Variants in EME1 observed in about 807,000 individuals in gnomAD.
EME1 encodes the protein essential meiotic structure-specific endonuclease 1.
EME1 carries 61 observed loss-of-function variants against 59.1 expected under a neutral mutation model. The ratio of observed to expected loss-of-function variants is 1.03; its 90% CI spans 0.84 to 1.28. The LOEUF (loss-of-function observed/expected upper bound fraction) is 1.28. EME1 is among the 50% of genes most tolerant of loss of function. The pLI, the probability that EME1 is intolerant of heterozygous loss-of-function variation, is 0.00. For synonymous variants in EME1, 230 were observed against 254.2 expected (o/e 0.90, Z 0.90); for missense variants, 635 against 682.6 (o/e 0.93, Z 0.78).
chr17:50,376,063 C>T lies in EME1; in HGVS notation c.776-3C>T. Reference sequence around the variant, plus strand: ...CTGACAGTCCCTTTTCCATCTGTTGCAGTGCTCTTACAGATGGAAGGTGGG... The same window carrying T: ...CTGACAGTCCCTTTTCCATCTGTTGTAGTGCTCTTACAGATGGAAGGTGGG... On this transcript the variant is annotated splice_region_variant and splice_polypyrimidine_tract_variant and intron_variant, in intron 2 of 8. Transcript: ENST00000338165. The T allele has an allele frequency of 1.9e-6, 3 of 1,612,934 alleles. No homozygotes were observed. The highest frequency in any genetic ancestry group is 1.7e-6 in the Non-Finnish European group (2 of 1,179,276).
chr17:50,376,164 A>G lies in EME1; in HGVS notation c.874A>G (p.Thr292Ala). Residue 292 changes from threonine to alanine, a missense_variant, in exon 3 of 9, where the codon ACT (threonine) becomes GCT (alanine). Transcript: ENST00000338165. Reference protein sequence around the residue: ...IEAQAVPCSVTWRRRAGPSED... With the variant: ...IEAQAVPCSVAWRRRAGPSED... ...GGCGCAGGCTGTGCCTTGCAGTGTC[A>G]CTTGGAGGAGAAGGGCTGGGCCGTC... The G allele has an allele frequency of 1.2e-6, 2 of 1,613,802 alleles. No homozygotes were observed. Among genetic ancestry groups the G allele is most frequent in the Non-Finnish European group, 1.7e-6 (2 of 1,179,992 alleles).
At chr17:50,379,925 T>G in intron 7 of EME1, 1 of 296,788 alleles carries the variant, frequency 3.4e-6, no homozygotes, top group Non-Finnish European at 6.4e-6. Context: ...ACTGTCAGAA[T>G]TTAAAATAAG....
At chr17:50,376,601 G>A (rs1913483716) in intron 3 of EME1, among the ~76,000 whole-genome samples, 1 of 152,158 alleles carries the variant, frequency 6.6e-6, no homozygotes, top group Non-Finnish European at 1.5e-5. Flanking sequence ...TCATTTGTGG[G>A]GAAAAATCAC....
In EME1 at chr17:50,375,688, C is replaced by A. The variant is rs566833855; in HGVS notation, c.480C>A (p.Asp160Glu). 2.7e-5 allele frequency: 43 copies of A among 1,614,132 alleles called. No individual in the cohort carries two copies. In the South Asian group the frequency reaches 4.7e-4, roughly 18 times the overall value. ...TPERSAADNKDLILDPCCQLP... is the reference protein window; with the variant it reads ...TPERSAADNKELILDPCCQLP... ...AGAGGAGTGCAGCAGATAACAAGGA[C>A]CTGATCTTAGATCCATGCTGTCAGC... is the stretch of plus-strand genomic sequence containing the variant. The change falls in exon 2 of 9, where the codon GAC becomes GAA. Residue 160 changes from aspartate (D) to glutamate (E), a missense_variant. Transcript: ENST00000338165.
At chr17:50,374,052 A>G (rs1340548089) in intron 1 of EME1, among the ~76,000 whole-genome samples, 1 of 151,332 alleles carries the variant, frequency 6.6e-6, no homozygotes, top group East Asian at 1.9e-4. Context: ...ATAGAGACAG[A>G]TTTATGGTTG....
chr17:50,375,613 G>C lies in EME1; in HGVS notation c.405G>C (p.Trp135Cys). 1 of 1,567,352 alleles carries C rather than the reference G, an allele frequency of 6.4e-7. No individual in the cohort carries two copies. The highest frequency in any genetic ancestry group is 1.1e-5 in the South Asian group (1 of 90,464). The change falls in exon 2 of 9, where the codon TGG becomes TGC. Residue 135 changes from tryptophan to cysteine, a missense_variant. Trp to Cys is a radical substitution (Grantham distance 215). Transcript: ENST00000338165. ...ATAATGAAGGTGCATCATGTGACTG[G>C]AAAAAGCCCTTTCCAAAGATCCCTG... ...HQNNEGASCD[W>C]KKPFPKIPEV... is the part of the protein sequence containing the mutation.
chr17:50,380,138 C>T (rs1360021186), intron 7 of EME1, 174 bp from the exon 8 acceptor site: 5 of 603,350 alleles, frequency 8.3e-6, no homozygotes, highest in South Asian at 8.1e-5. Flanking sequence ...CAGCAACTGG[C>T]CCTATACCTG....
Position 50,379,228 on chromosome 17 carries a change from A to C in EME1, c.1230+4A>C. ...ATCCAGGGTAGACGCTGAAGAGGTA[A>C]GAACGTCCTGTTGCCTGAATCGGGC... On this transcript the variant is annotated splice_donor_region_variant and intron_variant, in intron 6 of 8. Coordinates refer to ENST00000338165, the MANE Select transcript of EME1 (RefSeq NM_152463.4). 1.2e-6 allele frequency: 2 copies of C among 1,614,084 alleles called. No homozygotes were observed. Among genetic ancestry groups the C allele is most frequent in the Non-Finnish European group, 1.7e-6 (2 of 1,180,018 alleles).
At chr17:50,377,749 CTT>C (rs1567816286) in intron 3 of EME1, among the ~76,000 whole-genome samples, 1 of 151,758 alleles carries the variant, frequency 6.6e-6, no homozygotes, top group Non-Finnish European at 1.5e-5. Context: ...TGCTATGTTC[CTT>C]TTTTCTCTCT....
intron 7 of EME1, 95 bp downstream of exon 7, chr17:50,379,662 C>G (rs528285471): frequency 9.5e-7 from 1 of 1,053,092 alleles, no homozygotes; most frequent in Non-Finnish European, 1.4e-6. Context: ...CTCATCTCTG[C>G]AGTCAGCCCA....
chr17:50,375,666 G>C lies in EME1; in HGVS notation c.458G>C (p.Arg153Thr), dbSNP rs1166060602. 6.2e-7 allele frequency: 1 copy of C among 1,614,140 alleles called. No individual in the cohort carries two copies. The highest frequency in any genetic ancestry group is 8.5e-7 in the Non-Finnish European group (1 of 1,180,038). The change falls in exon 2 of 9, where the codon AGG becomes ACG. Residue 153 changes from arginine (R) to threonine (T), a missense_variant. Coordinates refer to ENST00000338165, the MANE Select transcript of EME1 (RefSeq NM_152463.4). ...PEVPLHDTPERSAADNKDLIL... is the reference protein window; with the variant it reads ...PEVPLHDTPETSAADNKDLIL... ...GTTCCCCTCCATGATACCCCAGAGA[G>C]GAGTGCAGCAGATAACAAGGACCTG...
At chr17:50,380,694 CCCTCCATGCTCATGG>C in intron 8 of EME1, 54 bp from the exon 9 acceptor site, 1 of 1,592,330 alleles carries the variant, frequency 6.3e-7, no homozygotes, top group Non-Finnish European at 8.6e-7. Context: ...AAGCGTAGCA[CCCTCCATGCTCATGG>C]AGAAGGGATC....
chr17:50,377,863 C>G (rs1003569545), intron 3 of EME1, among the ~76,000 whole-genome samples: 1 of 151,776 alleles, frequency 6.6e-6, no homozygotes, highest in Admixed American at 6.6e-5. Context: ...TCAAGTGATT[C>G]TTCTGCCTCA....
Position 50,375,957 on chromosome 17 carries a change from AAC to A in EME1, c.753_754del (p.Ile252HisfsTer31), listed in dbSNP as rs1913440657. ...GCCCAGAGGCCAGAGGAATGCTTAA[AAC>A]ACATCATTGTAGTGCTGGATCCAGG... On this transcript the variant is annotated frameshift_variant, in exon 2 of 9. Transcript: ENST00000338165. LOFTEE classifies it high-confidence loss of function. The A allele has an allele frequency of 6.2e-7, 1 of 1,609,020 alleles. No individual in the cohort carries two copies. The highest frequency in any genetic ancestry group is 8.5e-7 in the Non-Finnish European group (1 of 1,177,092).
In EME1 at chr17:50,375,174, T is replaced by C; in HGVS notation, c.-24-11T>C. The C allele has an allele frequency of 6.3e-7, 1 of 1,599,748 alleles. No homozygotes were observed. The highest frequency in any genetic ancestry group is 8.5e-7 in the Non-Finnish European group (1 of 1,173,534). ...GCTCCAGTCTGTGTCATATGTCTCT[T>C]TTCCTTTTAGGGAATTATTTGATAG... On this transcript the variant is annotated splice_polypyrimidine_tract_variant and intron_variant, in intron 1 of 8. Coordinates refer to ENST00000338165, the MANE Select transcript of EME1 (RefSeq NM_152463.4).
chr17:50,381,106 G>A lies in EME1; in HGVS notation c.*167G>A, dbSNP rs117486097. 25 of 743,438 alleles carry A rather than the reference G, an allele frequency of 3.4e-5. No homozygotes were observed. Among genetic ancestry groups the A allele is most frequent in the Non-Finnish European group, 4.9e-5 (23 of 470,602 alleles). 46.1% of individuals were successfully genotyped at this position (743,438 alleles called of 1,614,324 possible). On this transcript the variant is annotated 3_prime_UTR_variant, in exon 9 of 9. Coordinates refer to ENST00000338165, the MANE Select transcript of EME1 (RefSeq NM_152463.4). ...GTGAAGGTCTCTCTGCCTGTCGGCT[G>A]GGGCAGAGACTGAAATACTGCCACC... is the stretch of plus-strand genomic sequence containing the variant.
intron 1 of EME1, among the ~76,000 whole-genome samples, chr17:50,374,781 T>C (rs150467518): frequency 3.9e-5 from 6 of 151,982 alleles, no homozygotes; most frequent in African/African-American, 1.4e-4. Flanking sequence ...GGGAGTGAGG[T>C]TGCAGTGAGC....
At chr17:50,378,457 A>T in intron 3 of EME1, 138 bp from the exon 4 acceptor site, 1 of 808,744 alleles carries the variant, frequency 1.2e-6, no homozygotes, top group Non-Finnish European at 2.1e-6. Flanking sequence ...GTTTCTTGCC[A>T]CAGTGACTTC....
intron 8 of EME1, 33 bp downstream of exon 8, chr17:50,380,534 C>G (rs917982651): frequency 1.2e-6 from 2 of 1,605,018 alleles, no homozygotes; most frequent in Non-Finnish European, 1.7e-6. Flanking sequence ...GGTCACTGCC[C>G]ATTGCCTGCG....
Sources: gnomAD v4.1 joint callset for allele counts (sites outside exome capture counted in the v4.1 genomes callset) on GRCh38, gnomAD v4.1.1 for gene constraint, MANE v1.5 for transcripts, NCBI Gene and HGNC (gene_info 2026-07-23, HGNC 2026-07-21) for gene names.